SLIT1: variants seen among roughly 807,000 people sequenced by gnomAD.
The protein encoded by SLIT1 is slit guidance ligand 1, also known as slit homolog 1 protein.
SLIT1 carries 66 observed loss-of-function variants against 186.1 expected under a neutral mutation model. The ratio of observed to expected loss-of-function variants is 0.35; its 90% confidence interval spans 0.29 to 0.44. The LOEUF (loss-of-function observed/expected upper bound fraction) is 0.44, where lower values mean the gene tolerates loss of function less well. SLIT1 is among the 20% of genes least tolerant of loss of function. The pLI is 1.00. For synonymous variants in SLIT1, 761 were observed against 833.8 expected, an observed-to-expected ratio of 0.91 and a Z score of 1.50; for missense variants, 1,638 against 2,037.4, an observed-to-expected ratio of 0.80 and a Z score of 3.77.
intron 4 of SLIT1, among the ~76,000 whole-genome samples, chr10:97,104,066 G>A (rs756617753): frequency 1.4e-4 from 21 of 152,062 alleles, no homozygotes; most frequent in Non-Finnish European, 2.6e-4. Context: ...GTGGGGTAGC[G>A]GGTGGAGGTG....
At chr10:97,044,564 CTTAT>C (rs1328852697) in intron 18 of SLIT1, among the ~76,000 whole-genome samples, 4 of 152,238 alleles carry the variant, frequency 2.6e-5, no homozygotes, top group Non-Finnish European at 4.4e-5. Context: ...ATCAAAGACA[CTTAT>C]GCAATATTGA....
chr10:97,065,077 A>G (rs568456958), intron 5 of SLIT1, among the ~76,000 whole-genome samples: 1 of 152,290 alleles, frequency 6.6e-6, no homozygotes, highest in Admixed American at 6.5e-5. Flanking sequence ...TCATAAATAT[A>G]AGTAAAAGTT....
intron 4 of SLIT1, among the ~76,000 whole-genome samples, chr10:97,146,559 G>GCCCCCCCCCCCCCCCC (rs61265496): frequency 6.7e-6 from 1 of 149,084 alleles, no homozygotes; most frequent in Non-Finnish European, 1.5e-5. Flanking sequence ...AGGTACCCCA[G>GCCCCCCCCCCCCCCCC]CCCCCCCCAC....
In SLIT1 at chr10:97,077,829, G is replaced by A. The variant is rs1849059906; in HGVS notation, c.414-11743C>T. Among the ~76,000 whole-genome samples the A allele has an allele frequency of 5.9e-5, 9 of 152,282 alleles. 1 individual carries two copies. In the South Asian group the frequency reaches 1.9e-3, roughly 32 times the overall value. Reference sequence around the variant, plus strand: ...TTTTTCAATTATCGAACTACAGTCTGGGCACAGTGGCTCATGCTTGTAATC... The same window carrying A: ...TTTTTCAATTATCGAACTACAGTCTAGGCACAGTGGCTCATGCTTGTAATC... On this transcript the variant is annotated intron_variant, in intron 4 of 36. Coordinates refer to ENST00000266058, the MANE Select transcript of SLIT1 (RefSeq NM_003061.3).
At chr10:97,152,079 T>C (rs1222241438) in intron 4 of SLIT1, among the ~76,000 whole-genome samples, 3 of 152,114 alleles carry the variant, frequency 2.0e-5, no homozygotes, top group Non-Finnish European at 4.4e-5. Flanking sequence ...ACCTACTTGC[T>C]CCATGTTTGC....
At chr10:97,185,167 C>T (rs1850394131) in intron 1 of SLIT1, among the ~76,000 whole-genome samples, 1 of 152,264 alleles carries the variant, frequency 6.6e-6, no homozygotes, top group South Asian at 2.1e-4. Flanking sequence ...CACCAGTTCG[C>T]AGGCACCCTG....
intron 4 of SLIT1, among the ~76,000 whole-genome samples, chr10:97,117,601 G>A (rs1489406094): frequency 6.6e-6 from 1 of 152,316 alleles, no homozygotes; most frequent in South Asian, 2.1e-4. Flanking sequence ...GGGTAAATTG[G>A]AAGGGTAGAA....
chr10:97,158,427 C>T (rs1039544450), intron 3 of SLIT1, among the ~76,000 whole-genome samples: 2 of 151,850 alleles, frequency 1.3e-5, no homozygotes, highest in African/African-American at 4.8e-5. Flanking sequence ...TTTGGGAGGC[C>T]GAGGCGGGCG....
chr10:97,033,453 C>CA (rs140965531), intron 23 of SLIT1, among the ~76,000 whole-genome samples: 1,709 of 152,178 alleles, frequency 0.011, 32 homozygotes, highest in African/African-American at 0.037. Context: ...AATATGGCCA[C>CA]AAAAAATGTT....
At chr10:97,038,303 C>T (rs1186701565) in intron 21 of SLIT1, among the ~76,000 whole-genome samples, 1 of 152,164 alleles carries the variant, frequency 6.6e-6, no homozygotes, top group African/African-American at 2.4e-5. Flanking sequence ...CAGCCAGTGC[C>T]ACCGCTGCTC....
chr10:97,051,054 C>T (rs1204512606), intron 13 of SLIT1, among the ~76,000 whole-genome samples: 12 of 152,144 alleles, frequency 7.9e-5, no homozygotes, highest in Admixed American at 7.2e-4. Flanking sequence ...TATGTGGCCA[C>T]GCAGCTGCCT....
chr10:97,111,854 A>T (rs933691229), intron 4 of SLIT1, among the ~76,000 whole-genome samples: 6 of 152,116 alleles, frequency 3.9e-5, no homozygotes, highest in African/African-American at 1.2e-4. Context: ...CACCGTGAAA[A>T]TAAGACTCGG....
At chr10:97,080,732 TAGTTAAA>T (rs1001077988) in intron 4 of SLIT1, among the ~76,000 whole-genome samples, 1 of 152,218 alleles carries the variant, frequency 6.6e-6, no homozygotes, top group African/African-American at 2.4e-5. Flanking sequence ...TCACACCAAA[TAGTTAAA>T]AGAAATAAAT....
rs1228719243 is a variant in SLIT1 at position 97,030,710 on chromosome 10, C to G, written c.2582+47G>C. On this transcript the variant is annotated intron_variant, in intron 25 of 36. Transcript: ENST00000266058. ...GGTGGGATCTTCTCAGAAACCAAGTCCTGTTGAAATCCAAAGAGGCCCAGA... is the reference window on the plus strand; with the variant it reads ...GGTGGGATCTTCTCAGAAACCAAGTGCTGTTGAAATCCAAAGAGGCCCAGA... 3 of 1,467,654 alleles carry G rather than the reference C, an allele frequency of 2.0e-6. No homozygotes were observed. In the African/African-American group the frequency reaches 4.2e-5, roughly 20 times the overall value. The allele number at this position is 1,467,654 out of a possible 1,614,324, so 90.9% of individuals were successfully genotyped here.
intron 18 of SLIT1, among the ~76,000 whole-genome samples, chr10:97,044,616 A>G (rs572853030): frequency 1.3e-5 from 2 of 151,980 alleles, no homozygotes; most frequent in South Asian, 4.2e-4. Flanking sequence ...TGAAAAATAT[A>G]ATAATAATAA....
rs754930136 is a variant in SLIT1 at position 97,002,933 on chromosome 10, C to T, written c.3925G>A (p.Gly1309Ser). The change falls in exon 35 of 37, where the codon GGC becomes AGC. Residue 1309 changes from glycine (G) to serine (S), a missense_variant. Coordinates refer to ENST00000266058, the MANE Select transcript of SLIT1 (RefSeq NM_003061.3). ...FRLWQILNGT[G>S]FHGCIRNLYI... ...AGGTTTCGGATGCAACCGTGGAAGC[C>T]GGTGCCGTTGAGGATCTGCCACAGG... The T allele has an allele frequency of 3.2e-5, 51 of 1,614,204 alleles. No homozygotes were observed. In the Admixed American group the frequency reaches 4.8e-4, roughly 15 times the overall value.
chr10:97,003,955 C>T (rs1377525693), intron 34 of SLIT1, 113 bp downstream of exon 34: 1 of 1,020,652 alleles, frequency 9.8e-7, no homozygotes, highest in Non-Finnish European at 1.4e-6. Flanking sequence ...TTGGCCACCA[C>T]CAGGATCATC....
At chr10:97,099,287 A>G (rs1360325833) in intron 4 of SLIT1, among the ~76,000 whole-genome samples, 1 of 152,172 alleles carries the variant, frequency 6.6e-6, no homozygotes, top group Non-Finnish European at 1.5e-5. Flanking sequence ...AGATCTCAGG[A>G]AGAGTCCCAA....
chr10:97,060,122 A>G lies in SLIT1; in HGVS notation c.978T>C (p.Pro326=), dbSNP rs773132009. ...LELNGIKSIP[P]GAFSPYRKLR... ...GCTTTCTGTAGGGTGAGAAGGCTCC[A>G]GGAGGGATGGACTTGATGCCGTTCA... Residue 326 remains proline, a synonymous_variant, in exon 10 of 37, where the codon CCT becomes CCC. Transcript: ENST00000266058. 4.3e-6 allele frequency: 7 copies of G among 1,614,144 alleles called. No individual in the cohort carries two copies. The African/African-American group carries it at 8.0e-5, about 18-fold the overall frequency.
Sources: gnomAD v4.1 joint callset for allele counts (sites outside exome capture counted in the v4.1 genomes callset) on GRCh38, gnomAD v4.1.1 for gene constraint, MANE v1.5 for transcripts, NCBI Gene and HGNC (gene_info 2026-07-23, HGNC 2026-07-21) for gene names.